Variants in DOCK8 observed in about 807,000 individuals in gnomAD.
DOCK8 encodes the protein dedicator of cytokinesis protein 8.
DOCK8 carries 141 observed loss-of-function variants against 245.6 expected under a neutral mutation model. That is an observed-to-expected ratio of 0.57 (90% confidence interval 0.50 to 0.66). DOCK8 has a LOEUF of 0.66. Among genes scored for constraint, DOCK8 ranks in the 30% least tolerant of loss-of-function variants. The pLI is 0.00. For synonymous variants in DOCK8, 1,168 were observed against 970.2 expected (o/e 1.20, Z -3.79); for missense variants, 2,965 against 2,603.4 (o/e 1.14, Z -3.02).
chr9:396,710 T>A, intron 24 of DOCK8, 75 bp from the exon 25 acceptor site: 3 of 1,585,882 alleles, frequency 1.9e-6, no homozygotes, highest in Non-Finnish European at 2.6e-6. Flanking sequence ...TTTCTGTGAG[T>A]CTTTCCCCCT....
rs754080198 is a variant in DOCK8 at position 298,936 on chromosome 9, G to A, written c.405-5645G>A. On this transcript the variant is annotated intron_variant, in intron 4 of 47. Coordinates refer to ENST00000432829, the MANE Select transcript of DOCK8 (RefSeq NM_203447.4). ...AAGGCAAAGGGCAAATACTAATGTG[G>A]GAAATTTGAATTTTAATTAACTGTT... 7.7e-4 allele frequency among the ~76,000 whole-genome samples: 116 copies of A among 151,224 alleles called. 1 individual carries two copies. The highest frequency in any genetic ancestry group is 1.6e-4 in the Non-Finnish European group (11 of 67,894).
intron 41 of DOCK8, 74 bp from the exon 42 acceptor site, chr9:441,801 C>A (rs2057102644): frequency 1.9e-6 from 3 of 1,586,492 alleles, no homozygotes; most frequent in Admixed American, 3.3e-5. Context: ...CAATGAGAGA[C>A]CCCTGCCCTT....
chr9:413,267 C>CA (rs1156959202), intron 28 of DOCK8, among the ~76,000 whole-genome samples: 1 of 151,978 alleles, frequency 6.6e-6, no homozygotes, highest in African/African-American at 2.4e-5. Flanking sequence ...TCAAATAGAT[C>CA]AAAGACCTAA....
intron 1 of DOCK8, among the ~76,000 whole-genome samples, chr9:261,797 ATTG>A (rs2047923376): frequency 6.6e-6 from 1 of 152,128 alleles, no homozygotes. Flanking sequence ...CATATTTAGA[ATTG>A]TTGTGTCTTC....
chr9:283,061 GT>G (rs1282898993), intron 2 of DOCK8, among the ~76,000 whole-genome samples: 6 of 152,142 alleles, frequency 3.9e-5, no homozygotes, highest in African/African-American at 1.4e-4. Context: ...ATTGCCTGGT[GT>G]TTTGATTATT....
intron 15 of DOCK8, chr9:368,513 T>A: frequency 1.8e-6 from 1 of 568,496 alleles, no homozygotes; most frequent in Middle Eastern, 4.7e-4. Context: ...CACTGTGTTA[T>A]ACACACACAG....
intron 26 of DOCK8, 140 bp downstream of exon 26, chr9:399,399 T>C: frequency 1.4e-6 from 1 of 707,420 alleles, no homozygotes; most frequent in Non-Finnish European, 2.5e-6. Context: ...TTGCAGCACG[T>C]CCCTCATGTC....
chr9:249,645 C>T (rs898860865), intron 1 of DOCK8, among the ~76,000 whole-genome samples: 4 of 151,920 alleles, frequency 2.6e-5, no homozygotes, highest in Non-Finnish European at 2.9e-5. Flanking sequence ...GACGGAGTCT[C>T]GCCCTGTTGC....
At chr9:460,675 T>C (rs1200535584) in intron 46 of DOCK8, among the ~76,000 whole-genome samples, 1 of 152,242 alleles carries the variant, frequency 6.6e-6, no homozygotes, top group Non-Finnish European at 1.5e-5. Context: ...TCAGATTCTG[T>C]GTGAGTTAAA....
At chr9:438,717 C>A (rs10974441) in intron 39 of DOCK8, among the ~76,000 whole-genome samples, 21,775 of 152,162 alleles carry the variant, frequency 0.14, 2,644 homozygotes, top group African/African-American at 0.33. Context: ...TCAGGAAGAA[C>A]AAAAACACAC....
At chr9:216,578 A>G (rs2046760047) in intron 1 of DOCK8, among the ~76,000 whole-genome samples, 1 of 150,248 alleles carries the variant, frequency 6.7e-6, no homozygotes, top group African/African-American at 2.4e-5. Context: ...CATGAAGTAT[A>G]TCAGGGATCT....
At chr9:380,934 C>G (rs973826358) in intron 21 of DOCK8, 1 of 153,872 alleles carries the variant, frequency 6.5e-6, no homozygotes, top group African/African-American at 2.4e-5. Flanking sequence ...TCTGTCTCTA[C>G]AAAAAATATA....
chr9:342,611 A>G (rs2051664348), intron 14 of DOCK8, among the ~76,000 whole-genome samples: 1 of 152,064 alleles, frequency 6.6e-6, no homozygotes, highest in Admixed American at 6.6e-5. Flanking sequence ...CTGGGACTAC[A>G]GGTGCCTGCC....
At chr9:223,611 T>G (rs2046929428) in intron 1 of DOCK8, among the ~76,000 whole-genome samples, 1 of 151,806 alleles carries the variant, frequency 6.6e-6, no homozygotes, top group East Asian at 1.9e-4. Context: ...AGAAACTTGG[T>G]GTTTTAAAAT....
In DOCK8 at chr9:441,950, G is replaced by GCTCC; in HGVS notation, c.5431_5432insCTCC (p.Glu1811AlafsTer15). ...CAAATTTGGGGATTTGGATGAACAG[G>GCTCC]AGTTTGTCTACAAAGAGCCTGCAAT... On this transcript the variant is annotated frameshift_variant, in exon 42 of 48. Coordinates refer to ENST00000432829, the MANE Select transcript of DOCK8 (RefSeq NM_203447.4). LOFTEE classifies it high-confidence loss of function. 1.2e-6 allele frequency: 2 copies of GCTCC among 1,614,086 alleles called. No individual in the cohort carries two copies. Among genetic ancestry groups the GCTCC allele is most frequent in the Non-Finnish European group, 1.7e-6 (2 of 1,180,012 alleles).
At chr9:235,009 T>G (rs996696083) in intron 1 of DOCK8, among the ~76,000 whole-genome samples, 1 of 151,804 alleles carries the variant, frequency 6.6e-6, no homozygotes, top group Non-Finnish European at 1.5e-5. Flanking sequence ...TGCTCTGTTT[T>G]TTTCCCATCT....
chr9:371,532 A>G lies in DOCK8; in HGVS notation c.1973A>G (p.Gln658Arg). 1 of 1,614,204 alleles carries G rather than the reference A, an allele frequency of 6.2e-7. No homozygotes were observed. The change falls in exon 17 of 48, where the codon CAA becomes CGA. Residue 658 changes from glutamine to arginine, a missense_variant. Physicochemically the swap from Gln to Arg is conservative, Grantham distance 43 (BLOSUM62 1). Around this residue, in one of 3 missense-constraint regions of DOCK8, gnomAD observed 2,825 missense variants for 2,453.5 expected, o/e 1.15. Coordinates refer to ENST00000432829, the MANE Select transcript of DOCK8 (RefSeq NM_203447.4). ...TFYHISCQQK[Q>R]GASVETLLGY... The stretch of plus-strand genomic sequence containing the variant: ...TACCATATCAGCTGTCAGCAGAAGC[A>G]AGGAGCCTCCGTGGAAACTCTCCTG...
chr9:236,123 G>T (rs1459172133), intron 1 of DOCK8, among the ~76,000 whole-genome samples: 1 of 152,148 alleles, frequency 6.6e-6, no homozygotes, highest in South Asian at 2.1e-4. Context: ...GGCCCCCAAG[G>T]TACCACTGGA....
At chr9:310,647 G>A (rs1031633738) in intron 5 of DOCK8, among the ~76,000 whole-genome samples, 2 of 152,110 alleles carry the variant, frequency 1.3e-5, no homozygotes, top group African/African-American at 4.8e-5. Context: ...TTTTAGTAGC[G>A]ATGGGGTTTC....
Sources: gnomAD v4.1 joint callset for allele counts (sites outside exome capture counted in the v4.1 genomes callset) on GRCh38, gnomAD v4.1.1 for gene constraint, gnomAD v4.1.1 regional missense constraint, MANE v1.5 for transcripts, NCBI Gene and HGNC (gene_info 2026-07-23, HGNC 2026-07-21) for gene names.